The following NAV2 variants were observed in gnomAD, a reference collection of about 807,000 sequenced individuals.
NAV2 encodes the protein helicase, APC down-regulated 1.
NAV2 carries 54 observed loss-of-function variants against 223.2 expected under a neutral mutation model. The observed-to-expected ratio is 0.24, with a 90% CI of 0.19 to 0.30. The LOEUF is 0.30. Ranked by LOEUF, NAV2 falls within the 10% of genes least tolerant of loss-of-function variation. The pLI, the probability that NAV2 is intolerant of heterozygous loss-of-function variation, is 1.00. For synonymous variants in NAV2, 1,279 were observed against 1,239.3 expected (o/e 1.03, Z -0.67); for missense variants, 2,806 against 3,147.5 (o/e 0.89, Z 2.60).
chr11:20,026,502 G>A (rs1170443282), intron 11 of NAV2, among the ~76,000 whole-genome samples: 1 of 152,030 alleles, frequency 6.6e-6, no homozygotes, highest in Non-Finnish European at 1.5e-5. Flanking sequence ...AGTAGAGAAG[G>A]GGTTTCACTG....
At chr11:19,807,078 T>C (rs1246014848) in intron 1 of NAV2, among the ~76,000 whole-genome samples, 1 of 152,164 alleles carries the variant, frequency 6.6e-6, no homozygotes, top group African/African-American at 2.4e-5. Flanking sequence ...GTAACCAGCA[T>C]GTGGGGCAAA....
intron 19 of NAV2, among the ~76,000 whole-genome samples, chr11:20,057,872 T>C (rs2058461645): frequency 6.6e-6 from 1 of 152,198 alleles, no homozygotes; most frequent in African/African-American, 2.4e-5. Flanking sequence ...CAAAATGACA[T>C]TGATAAAAAG....
At position 19,935,896 on chromosome 11, in the gene NAV2, C is replaced by T. The variant is rs568131617; in HGVS notation, c.2033+1619C>T. Reference sequence around the variant, plus strand: ...TTTTTGAGATGGAGTGTCGCTCTATCGCCATGGCTGGAGTGCAGTGGCACC... The same window carrying T: ...TTTTTGAGATGGAGTGTCGCTCTATTGCCATGGCTGGAGTGCAGTGGCACC... On this transcript the variant is annotated intron_variant, in intron 7 of 37. Coordinates refer to ENST00000349880, the MANE Select transcript of NAV2 (RefSeq NM_145117.5). Among the ~76,000 whole-genome samples the T allele has an allele frequency of 6.9e-5, 7 of 101,656 alleles. No homozygotes were observed. The South Asian group carries it at 1.6e-3, about 23-fold the overall frequency. The allele number at this position is 101,656 out of a possible 152,430, so 66.7% of individuals were successfully genotyped here.
chr11:19,471,521 T>G (rs1199698682), intron 1 of NAV2, among the ~76,000 whole-genome samples: 3 of 152,014 alleles, frequency 2.0e-5, no homozygotes, highest in Non-Finnish European at 4.4e-5. Flanking sequence ...GTGAAGGAGG[T>G]GCTATTACCA....
At chr11:19,512,358 A>G (rs1208428359) in intron 1 of NAV2, among the ~76,000 whole-genome samples, 1 of 152,198 alleles carries the variant, frequency 6.6e-6, no homozygotes, top group Non-Finnish European at 1.5e-5. Context: ...AGAGACAGAG[A>G]CTAAAACTGG....
chr11:19,884,153 T>G, intron 5 of NAV2: 1 of 595,410 alleles, frequency 1.7e-6, no homozygotes, highest in Non-Finnish European at 3.0e-6. Context: ...GAAAGAAAGC[T>G]GTGTGTCATA....
chr11:19,350,085 CTGATGA>C (rs3077390), upstream of NAV2, among the ~76,000 whole-genome samples: 19 of 149,740 alleles, frequency 1.3e-4, no homozygotes, highest in East Asian at 2.0e-4. Flanking sequence ...CCTTATTCCT[CTGATGA>C]TGATGATGAT....
Position 19,713,981 on chromosome 11 carries a change from C to T in NAV2, c.267+19C>T. ...TACCCAGGTGAGAGATGCCGTTTGC[C>T]GGGGTACTGTTCTGGAAGGATGGAT... is the stretch of plus-strand genomic sequence containing the variant. On this transcript the variant is annotated intron_variant, in intron 1 of 37. Transcript: ENST00000349880. The surrounding 1 kb of genome is among the most constrained non-coding windows in gnomAD (Gnocchi z 7.2). The T allele has an allele frequency of 1.2e-6, 2 of 1,611,940 alleles. No homozygotes were observed. Among genetic ancestry groups the T allele is most frequent in the Non-Finnish European group, 1.7e-6 (2 of 1,179,410 alleles).
chr11:19,613,280 G>A (rs1443272162), intron 1 of NAV2, among the ~76,000 whole-genome samples: 3 of 152,138 alleles, frequency 2.0e-5, no homozygotes, highest in African/African-American at 7.2e-5. Flanking sequence ...ACTGACTAGG[G>A]TCTACCCTGT....
chr11:19,466,381 T>C (rs1852350423), intron 1 of NAV2, among the ~76,000 whole-genome samples: 1 of 152,172 alleles, frequency 6.6e-6, no homozygotes, highest in Non-Finnish European at 1.5e-5. Flanking sequence ...TTGGGAGAGA[T>C]CATTTCTAGT....
chr11:20,110,937 G>A (rs1404983574), intron 36 of NAV2, among the ~76,000 whole-genome samples: 2 of 152,142 alleles, frequency 1.3e-5, no homozygotes, highest in Admixed American at 6.5e-5. Context: ...CTGGGATGGA[G>A]CGCTGCCCAT....
chr11:19,951,232 T>C (rs548176544), intron 10 of NAV2, among the ~76,000 whole-genome samples: 1 of 152,216 alleles, frequency 6.6e-6, no homozygotes, highest in East Asian at 1.9e-4. Flanking sequence ...CAGAAAAAGG[T>C]CAGAGAGAAA....
intron 1 of NAV2, among the ~76,000 whole-genome samples, chr11:19,761,461 C>T (rs1329195398): frequency 6.6e-6 from 1 of 152,184 alleles, no homozygotes; most frequent in African/African-American, 2.4e-5. Context: ...AGGAAGACCA[C>T]TCTGAGGCAG....
At chr11:19,895,104 CT>C (rs71050690) in intron 6 of NAV2, among the ~76,000 whole-genome samples, 1,122 of 99,236 alleles carry the variant, frequency 0.011, 4 homozygotes, top group African/African-American at 0.04. Flanking sequence ...CTTTTTCTTT[CT>C]TTTTTTTTTT....
chr11:19,715,597 T>G (rs1242411171), intron 1 of NAV2, among the ~76,000 whole-genome samples: 1 of 152,222 alleles, frequency 6.6e-6, no homozygotes, highest in Non-Finnish European at 1.5e-5. Flanking sequence ...TCCAGGCAGC[T>G]GTTCTGCCTT....
intron 24 of NAV2, 151 bp downstream of exon 24, chr11:20,078,255 T>C: frequency 1.5e-6 from 1 of 666,946 alleles, no homozygotes; most frequent in Non-Finnish European, 2.7e-6. Flanking sequence ...GGCAAACACC[T>C]TTAATCAAGT....
At chr11:20,024,713 CGCCT>C (rs2054881030) in intron 11 of NAV2, among the ~76,000 whole-genome samples, 1 of 152,298 alleles carries the variant, frequency 6.6e-6, no homozygotes, top group Admixed American at 6.5e-5. Context: ...GGGAGATAGC[CGCCT>C]CCCTTGGCTG....
At chr11:19,517,454 C>A (rs1393125506) in intron 1 of NAV2, among the ~76,000 whole-genome samples, 5 of 152,154 alleles carry the variant, frequency 3.3e-5, no homozygotes, top group African/African-American at 9.7e-5. Flanking sequence ...AGTAAAACTG[C>A]CCCCAAATTG....
rs146460943 is a variant in NAV2 at position 19,488,436 on chromosome 11, C to G, written c.75+137409C>G. Among the ~76,000 whole-genome samples, 3 of 152,218 alleles carry G rather than the reference C, an allele frequency of 2.0e-5. No individual in the cohort carries two copies. The South Asian group carries it at 6.2e-4, about 32-fold the overall frequency. ...TTCTCATTGAGAACAACTAAAGCAG[C>G]GCATTATGAATTATGCTTAATCACG... On this transcript the variant is annotated intron_variant, in intron 1 of 37. Coordinates refer to the NAV2 transcript ENST00000360655.
Sources: gnomAD v4.1 joint callset for allele counts (sites outside exome capture counted in the v4.1 genomes callset) on GRCh38, gnomAD v4.1.1 for gene constraint, Gnocchi (gnomAD v3.1) non-coding constraint, MANE v1.5 for transcripts, NCBI Gene and HGNC (gene_info 2026-07-23, HGNC 2026-07-21) for gene names.